ARHGEF28: variants seen among roughly 807,000 people sequenced by gnomAD.
ARHGEF28 encodes 190 kDa guanine nucleotide exchange factor.
In ARHGEF28, 152 loss-of-function variants were observed where a neutral mutation model predicts 206.6. The observed-to-expected ratio is 0.74, with a 90% CI of 0.64 to 0.84. The LOEUF (loss-of-function observed/expected upper bound fraction) is 0.84, where lower values mean the gene tolerates loss of function less well. ARHGEF28 is among the 40% of genes least tolerant of loss of function. ARHGEF28 has a pLI of 0.00. For synonymous variants in ARHGEF28, 763 were observed against 776.4 expected (o/e 0.98, Z 0.29); for missense variants, 2,028 against 2,073.2 (o/e 0.98, Z 0.42).
intron 28 of ARHGEF28, 84 bp from the exon 29 acceptor site, chr5:73,894,309 T>TA (rs1761826486): frequency 7.3e-7 from 1 of 1,364,760 alleles, no homozygotes; most frequent in South Asian, 1.4e-5. Flanking sequence ...GCTTGCTAAT[T>TA]AGCAACATCT....
intron 10 of ARHGEF28, among the ~76,000 whole-genome samples, chr5:73,839,010 G>A (rs1373250152): frequency 6.6e-6 from 1 of 152,206 alleles, no homozygotes; most frequent in East Asian, 1.9e-4. Context: ...ATACAGACCA[G>A]TATTTTTGTT....
chr5:73,701,606 A>T (rs1329101749), intron 2 of ARHGEF28, among the ~76,000 whole-genome samples: 1 of 151,438 alleles, frequency 6.6e-6, no homozygotes, highest in Non-Finnish European at 1.5e-5. Context: ...ATATGCCCTC[A>T]CTCCCCTCCC....
rs1330153186 is a variant in ARHGEF28 at position 73,940,871 on chromosome 5, C to T, written c.4976C>T (p.Pro1659Leu). ...TTGGACACCTCCCACACTGAGTCCC[C>T]AACCCCCCATGACTCAAATTCACAC... The part of the protein sequence containing the change: ...NDLDTSHTES[P>L]TPHDSNSHRP... Residue 1659 changes from proline to leucine, a missense_variant, in exon 36 of 36, where the codon CCA (proline) becomes CTA (leucine). By Grantham distance (98) the Pro-to-Leu change is moderately conservative (BLOSUM62 -3). Transcript: ENST00000513042. 6 of 1,527,056 alleles carry T rather than the reference C, an allele frequency of 3.9e-6. No individual in the cohort carries two copies. In the Admixed American group the frequency reaches 6.2e-5, roughly 16 times the overall value. 94.6% of individuals were successfully genotyped at this position (1,527,056 alleles called of 1,614,324 possible).
intron 18 of ARHGEF28, among the ~76,000 whole-genome samples, chr5:73,866,225 A>G (rs1466463184): frequency 6.6e-6 from 1 of 152,192 alleles, no homozygotes; most frequent in Non-Finnish European, 1.5e-5. Context: ...TGTGTACCAT[A>G]TGATCTTTTA....
At chr5:73,747,043 A>G (rs1399963986) in intron 2 of ARHGEF28, among the ~76,000 whole-genome samples, 2 of 152,134 alleles carry the variant, frequency 1.3e-5, no homozygotes, top group African/African-American at 4.8e-5. Context: ...AATTTTGCCT[A>G]GCATGCTTCT....
intron 9 of ARHGEF28, among the ~76,000 whole-genome samples, chr5:73,822,401 C>T (rs1756653535): frequency 6.6e-6 from 1 of 152,184 alleles, no homozygotes; most frequent in Admixed American, 6.6e-5. Flanking sequence ...TGGGTTCTCT[C>T]AGATATTCTT....
chr5:73,912,262 C>G (rs751980654), intron 35 of ARHGEF28, among the ~76,000 whole-genome samples: 4 of 152,158 alleles, frequency 2.6e-5, no homozygotes, highest in Non-Finnish European at 5.9e-5. Context: ...ATGAGAAGAA[C>G]TTGAAACCTC....
intron 2 of ARHGEF28, among the ~76,000 whole-genome samples, chr5:73,688,817 C>G (rs1747629353): frequency 6.6e-6 from 1 of 152,148 alleles, no homozygotes; most frequent in South Asian, 2.1e-4. Flanking sequence ...CCACGTTCAG[C>G]TAATTTTTTT....
At chr5:73,755,033 T>G (rs1256021383) in intron 4 of ARHGEF28, among the ~76,000 whole-genome samples, 3 of 151,798 alleles carry the variant, frequency 2.0e-5, no homozygotes, top group Non-Finnish European at 4.4e-5. Context: ...CAAATATTTC[T>G]TAAACTCTTG....
intron 26 of ARHGEF28, among the ~76,000 whole-genome samples, chr5:73,891,419 A>G (rs73762538): frequency 2.6e-5 from 4 of 152,160 alleles, no homozygotes; most frequent in African/African-American, 2.4e-5. Flanking sequence ...GACATTTGAC[A>G]TAGTTTCCTA....
At position 73,691,382 on chromosome 5, in the gene ARHGEF28, A is replaced by G. The variant is rs186732462; in HGVS notation, c.33+6498A>G. Among the ~76,000 whole-genome samples the G allele has an allele frequency of 8.3e-3, 1,266 of 152,134 alleles. 87 individuals are homozygous for G. The highest frequency in any genetic ancestry group is 0.077 in the Admixed American group (1,178 of 15,282). On this transcript the variant is annotated intron_variant, in intron 2 of 35. Transcript: ENST00000513042. Reference sequence around the variant, plus strand: ...TTTTTATTATAATGGACAGGACCCCATTTCCCCTCACCCCCATTTTATAAT... The same window carrying G: ...TTTTTATTATAATGGACAGGACCCCGTTTCCCCTCACCCCCATTTTATAAT...
At chr5:73,647,756 A>G (rs576612970) in intron 1 of ARHGEF28, among the ~76,000 whole-genome samples, 1 of 152,234 alleles carries the variant, frequency 6.6e-6, no homozygotes, top group East Asian at 1.9e-4. Context: ...TGAAGGGGAG[A>G]ATTGATATTG....
chr5:73,903,569 A>G (rs755894201), intron 31 of ARHGEF28: 1 of 152,678 alleles, frequency 6.5e-6, no homozygotes, highest in Non-Finnish European at 1.5e-5. Flanking sequence ...CAAGGCATAG[A>G]CCCTCTCCCT....
At chr5:73,635,491 A>G (rs1447086067) in intron 1 of ARHGEF28, among the ~76,000 whole-genome samples, 1 of 152,234 alleles carries the variant, frequency 6.6e-6, no homozygotes, top group Non-Finnish European at 1.5e-5. Context: ...TCTTTTCCAA[A>G]TAGAAGGACT....
chr5:73,770,410 C>A (rs1753158472), intron 4 of ARHGEF28, among the ~76,000 whole-genome samples: 1 of 152,160 alleles, frequency 6.6e-6, no homozygotes, highest in African/African-American at 2.4e-5. Context: ...GGTTTTCATG[C>A]TCTCATGATG....
intron 9 of ARHGEF28, among the ~76,000 whole-genome samples, chr5:73,797,933 G>A (rs1272667426): frequency 6.6e-5 from 10 of 152,146 alleles, no homozygotes; most frequent in Admixed American, 6.5e-5. Flanking sequence ...GGCCACCTAC[G>A]TCTATTGAGC....
chr5:73,730,843 G>A (rs1750580506), intron 2 of ARHGEF28, among the ~76,000 whole-genome samples: 1 of 152,058 alleles, frequency 6.6e-6, no homozygotes. Flanking sequence ...AAATTAAGTA[G>A]CTGTTTAGAA....
At chr5:73,923,226 A>G in intron 35 of ARHGEF28, 2 of 1,444,524 alleles carry the variant, frequency 1.4e-6, no homozygotes, top group Non-Finnish European at 1.9e-6. Flanking sequence ...TACCTACATA[A>G]TTTGGTTTTT....
chr5:73,905,514 G>T (rs1165715222), intron 33 of ARHGEF28, among the ~76,000 whole-genome samples: 1 of 152,126 alleles, frequency 6.6e-6, no homozygotes, highest in Non-Finnish European at 1.5e-5. Flanking sequence ...GTAAATGAAA[G>T]AAAATGATTT....
Sources: gnomAD v4.1 joint callset for allele counts (sites outside exome capture counted in the v4.1 genomes callset) on GRCh38, gnomAD v4.1.1 for gene constraint, MANE v1.5 for transcripts, NCBI Gene and HGNC (gene_info 2026-07-23, HGNC 2026-07-21) for gene names.